Variants in PCNX1 observed in about 807,000 individuals in gnomAD.
PCNX1 encodes the protein pecanex 1, also known as pecanex-like protein 1.
A neutral mutation model predicts 242.2 loss-of-function variants in PCNX1; 78 were observed. The observed-to-expected ratio is 0.32, with a 90% CI of 0.27 to 0.39. The LOEUF (loss-of-function observed/expected upper bound fraction) is 0.39, where lower values mean the gene tolerates loss of function less well. Among genes scored for constraint, PCNX1 ranks in the 10% least tolerant of loss-of-function variants. PCNX1 has a pLI of 1.00. For missense variants in PCNX1, 2,581 were observed against 2,856.5 expected, an observed-to-expected ratio of 0.90 and a Z score of 2.20; for synonymous variants, 1,024 against 1,032.9, an observed-to-expected ratio of 0.99 and a Z score of 0.17.
intron 24 of PCNX1, among the ~76,000 whole-genome samples, chr14:71,054,105 C>T (rs1428170795): frequency 1.3e-5 from 2 of 152,160 alleles, no homozygotes; most frequent in Non-Finnish European, 2.9e-5. Flanking sequence ...ATTCTAATAG[C>T]CTTTTAAGAC....
intron 6 of PCNX1, among the ~76,000 whole-genome samples, chr14:70,980,185 T>G (rs17108824): frequency 0.12 from 18,198 of 152,120 alleles, 1,164 homozygotes; most frequent in Middle Eastern, 0.24. Context: ...TACAAAAATA[T>G]GTAGTAAATT....
chr14:70,971,929 T>C (rs1248754938), intron 5 of PCNX1, among the ~76,000 whole-genome samples: 3 of 152,246 alleles, frequency 2.0e-5, no homozygotes, highest in Non-Finnish European at 1.5e-5. Flanking sequence ...ATTTTAATTC[T>C]GAGTGAGATA....
intron 1 of PCNX1, among the ~76,000 whole-genome samples, chr14:70,927,403 G>T (rs1415450841): frequency 1.3e-5 from 2 of 151,992 alleles, no homozygotes; most frequent in African/African-American, 2.4e-5. Context: ...TAGTACTTCT[G>T]TTTAAAGGTA....
At chr14:71,045,825 A>G (rs1434590935) in intron 20 of PCNX1, among the ~76,000 whole-genome samples, 1 of 152,202 alleles carries the variant, frequency 6.6e-6, no homozygotes, top group Non-Finnish European at 1.5e-5. Flanking sequence ...GCAATAAAGT[A>G]TAAAAGGATG....
intron 11 of PCNX1, among the ~76,000 whole-genome samples, chr14:71,016,519 T>C (rs1262529629): frequency 6.6e-6 from 1 of 152,208 alleles, no homozygotes; most frequent in African/African-American, 2.4e-5. Flanking sequence ...AGTTATTAAA[T>C]TTTAAAAGGT....
chr14:71,072,096 A>C (rs987693107), intron 26 of PCNX1, among the ~76,000 whole-genome samples: 16 of 152,222 alleles, frequency 1.1e-4, no homozygotes, highest in African/African-American at 3.9e-4. Context: ...ACAGTAATGA[A>C]ATGTTTGAAA....
Position 71,057,634 on chromosome 14 carries a change from C to G in PCNX1, c.4762C>G (p.Leu1588Val), listed in dbSNP as rs1431706891. 1.9e-6 allele frequency: 3 copies of G among 1,613,896 alleles called. No homozygotes were observed. Among genetic ancestry groups the G allele is most frequent in the East Asian group, 4.5e-5 (2 of 44,878 alleles). Residue 1588 changes from leucine to valine, a missense_variant, in exon 26 of 36, where the codon CTT becomes GTT. Physicochemically the swap from Leu to Val is conservative, Grantham distance 32 (BLOSUM62 1). Transcript: ENST00000304743. ...CTACAGTACAGGGGACTGTTTCATC[C>G]TTGCCTCTGACTATCTCAATGCATT... ...GNYSTGDCFI[L>V]ASDYLNALVH...
Position 71,110,301 on chromosome 14 carries a change from A to G in PCNX1, c.*366A>G. 3.1e-6 allele frequency: 1 copy of G among 318,556 alleles called. No individual in the cohort carries two copies. Among genetic ancestry groups the G allele is most frequent in the Non-Finnish European group, 6.1e-6 (1 of 163,882 alleles). The allele number at this position is 318,556 out of a possible 1,614,324, so 19.7% of individuals were successfully genotyped here. On this transcript the variant is annotated 3_prime_UTR_variant, in exon 36 of 36. Coordinates refer to ENST00000304743, the MANE Select transcript of PCNX1 (RefSeq NM_014982.3). Reference sequence around the variant, plus strand: ...CTCATATTTTTCTAATTTCTTTGCCAAAAATAATTGCCATGTTTTGTCATA... The same window carrying G: ...CTCATATTTTTCTAATTTCTTTGCCGAAAATAATTGCCATGTTTTGTCATA...
At chr14:70,938,902 C>T (rs1380794231) in intron 1 of PCNX1, among the ~76,000 whole-genome samples, 1 of 152,154 alleles carries the variant, frequency 6.6e-6, no homozygotes, top group Non-Finnish European at 1.5e-5. Context: ...TCTAGATTCT[C>T]TAGCTTATTT....
rs374997373 is a variant in PCNX1 at position 71,033,061 on chromosome 14, C to T, written c.3559-368C>T. ...CTCTTATTATTGTATCTAAAATTTA[C>T]TATGCCAAGATATCTTATTCTTCCA... On this transcript the variant is annotated intron_variant, in intron 16 of 35. Transcript: ENST00000304743. Among the ~76,000 whole-genome samples the T allele has an allele frequency of 3.5e-3, 539 of 152,248 alleles. 1 individual carries two copies. Among genetic ancestry groups the T allele is most frequent in the African/African-American group, 0.013 (523 of 41,530 alleles).
chr14:70,977,854 C>A lies in PCNX1; in HGVS notation c.1517C>A (p.Pro506Gln). 6.2e-7 allele frequency: 1 copy of A among 1,614,070 alleles called. No homozygotes were observed. The highest frequency in any genetic ancestry group is 8.5e-7 in the Non-Finnish European group (1 of 1,180,000). Residue 506 changes from proline to glutamine, a missense_variant, in exon 6 of 36, where the codon CCA (proline) becomes CAA (glutamine). Physicochemically the swap from Pro to Gln is moderately conservative, Grantham distance 76. This residue lies in a region of PCNX1 where 1,204 missense variants were observed against 1,216.7 expected (regional missense o/e 0.99). Coordinates refer to ENST00000304743, the MANE Select transcript of PCNX1 (RefSeq NM_014982.3). ...GAATTTACTTCCCAAGGGGACAGACCACCTGGGAACACTGCAGAAAACAAA... is the reference window on the plus strand; with the variant it reads ...GAATTTACTTCCCAAGGGGACAGACAACCTGGGAACACTGCAGAAAACAAA... ...ANEFTSQGDR[P>Q]PGNTAENKEE...
intron 16 of PCNX1, among the ~76,000 whole-genome samples, chr14:71,032,653 C>G (rs2060421808): frequency 6.6e-6 from 1 of 152,208 alleles, no homozygotes; most frequent in Non-Finnish European, 1.5e-5. Flanking sequence ...GTCCCCACTC[C>G]TACCATGTTT....
intron 19 of PCNX1, among the ~76,000 whole-genome samples, chr14:71,040,010 C>G (rs1341926944): frequency 6.6e-6 from 1 of 152,098 alleles, no homozygotes; most frequent in Non-Finnish European, 1.5e-5. Flanking sequence ...TGAAGTCTCA[C>G]TATGTTGCCC....
chr14:71,105,663 C>T lies in PCNX1; in HGVS notation c.6301+223C>T, dbSNP rs184586303. Among the ~76,000 whole-genome samples the T allele has an allele frequency of 5.5e-3, 830 of 151,662 alleles. 4 individuals are homozygous for T. The highest frequency in any genetic ancestry group is 8.9e-3 in the Non-Finnish European group (608 of 67,936). On this transcript the variant is annotated intron_variant, in intron 33 of 35. Coordinates refer to ENST00000304743, the MANE Select transcript of PCNX1 (RefSeq NM_014982.3). Reference sequence around the variant, plus strand: ...GTTCATGCCATTCTTCTGCCTCAGCCTCCTGAGTAGCTGGGACTAAGGCCC... The same window carrying T: ...GTTCATGCCATTCTTCTGCCTCAGCTTCCTGAGTAGCTGGGACTAAGGCCC...
chr14:70,918,700 T>G (rs1329000762), intron 1 of PCNX1, among the ~76,000 whole-genome samples: 2 of 152,188 alleles, frequency 1.3e-5, no homozygotes, highest in Non-Finnish European at 2.9e-5. Context: ...TGCCTGCATT[T>G]TGCAGAGGAG....
chr14:71,035,464 A>G (rs148437199), intron 18 of PCNX1, among the ~76,000 whole-genome samples: 192 of 152,354 alleles, frequency 1.3e-3, no homozygotes, highest in Non-Finnish European at 2.3e-3. Flanking sequence ...TGTGTAAGAA[A>G]TCTAGAAGTG....
Position 70,969,130 on chromosome 14 carries a change from C to T in PCNX1, c.604+20C>T, listed in dbSNP as rs2058465727. 7.0e-7 allele frequency: 1 copy of T among 1,424,092 alleles called. No homozygotes were observed. The highest frequency in any genetic ancestry group is 2.3e-5 in the East Asian group (1 of 43,964). 88.2% of individuals were successfully genotyped at this position (1,424,092 alleles called of 1,614,324 possible). On this transcript the variant is annotated intron_variant, in intron 5 of 35. Transcript: ENST00000304743. The stretch of plus-strand genomic sequence containing the variant: ...AACAAGGTAAGAACGTTATACTTTA[C>T]CATGATGTCATATACTGTGGTGACC...
At chr14:70,938,296 G>A (rs1594950093) in intron 1 of PCNX1, among the ~76,000 whole-genome samples, 2 of 152,208 alleles carry the variant, frequency 1.3e-5, no homozygotes, top group East Asian at 1.9e-4. Flanking sequence ...ATTATTTTGA[G>A]ATACGTCCCA....
chr14:70,948,788 A>C (rs2057582864), intron 2 of PCNX1, among the ~76,000 whole-genome samples: 1 of 148,302 alleles, frequency 6.7e-6, no homozygotes, highest in African/African-American at 2.5e-5. Context: ...GTGTATATAT[A>C]CTTATAAATG....
Sources: gnomAD v4.1 joint callset for allele counts (sites outside exome capture counted in the v4.1 genomes callset) on GRCh38, gnomAD v4.1.1 for gene constraint, gnomAD v4.1.1 regional missense constraint, MANE v1.5 for transcripts, NCBI Gene and HGNC (gene_info 2026-07-23, HGNC 2026-07-21) for gene names.